Variants in TSPEAR observed in about 807,000 individuals in gnomAD.
The protein encoded by TSPEAR is thrombospondin-type laminin G domain and EAR repeat-containing protein.
TSPEAR carries 69 observed loss-of-function variants against 71.6 expected under a neutral mutation model. That is an observed-to-expected ratio of 0.96 (90% CI 0.79 to 1.18). TSPEAR has a LOEUF of 1.18. TSPEAR is among the 50% of genes most tolerant of loss of function. TSPEAR has a pLI of 0.00. For synonymous variants in TSPEAR, 402 were observed against 387.2 expected (o/e 1.04, Z -0.45); for missense variants, 971 against 894.9 (o/e 1.09, Z -1.09).
chr21:44,690,907 C>T (rs1987096893), intron 1 of TSPEAR, among the ~76,000 whole-genome samples: 1 of 152,314 alleles, frequency 6.6e-6, no homozygotes, highest in South Asian at 2.1e-4. Flanking sequence ...ACCACCATGC[C>T]AGGCTCTTTT....
intron 9 of TSPEAR, chr21:44,517,690 C>A: frequency 2.2e-6 from 1 of 451,690 alleles, no homozygotes; most frequent in Non-Finnish European, 4.6e-6. Flanking sequence ...CATGTGGGAG[C>A]CGTGCATGGC....
intron 1 of TSPEAR, chr21:44,580,558 G>A (rs1285941923): frequency 4.3e-5 from 69 of 1,612,636 alleles, no homozygotes; most frequent in African/African-American, 6.7e-5. Context: ...TGGAGCAGAC[G>A]GACATGGTGC....
At chr21:44,531,161 G>A (rs782518788) in intron 3 of TSPEAR, 28 bp from the exon 4 acceptor site, 6 of 1,585,460 alleles carry the variant, frequency 3.8e-6, no homozygotes, top group Non-Finnish European at 5.2e-6. Flanking sequence ...CTGTGTTAGG[G>A]CCATAGGAGA....
At chr21:44,561,228 T>A (rs2053628104) in intron 2 of TSPEAR, among the ~76,000 whole-genome samples, 1 of 151,810 alleles carries the variant, frequency 6.6e-6, no homozygotes, top group Non-Finnish European at 1.5e-5. Flanking sequence ...AACTAGAAAA[T>A]CTAGAAGAAA....
intron 1 of TSPEAR, chr21:44,697,480 T>C: frequency 6.2e-7 from 1 of 1,614,056 alleles, no homozygotes; most frequent in East Asian, 2.2e-5. Context: ...GCCAGCCGGC[T>C]TGCTGCACCT....
chr21:44,653,467 T>A (rs1814170434), intron 1 of TSPEAR, among the ~76,000 whole-genome samples: 1 of 152,190 alleles, frequency 6.6e-6, no homozygotes, highest in Admixed American at 6.5e-5. Context: ...GCTAGAAACC[T>A]CACTCTTCTA....
intron 1 of TSPEAR, among the ~76,000 whole-genome samples, chr21:44,640,896 T>C (rs1261840118): frequency 6.6e-6 from 1 of 152,082 alleles, no homozygotes; most frequent in Admixed American, 6.5e-5. Flanking sequence ...ATTCCATGCC[T>C]GCAACCAGCG....
chr21:44,573,078 A>G (rs369228969), intron 1 of TSPEAR, among the ~76,000 whole-genome samples: 2 of 152,106 alleles, frequency 1.3e-5, no homozygotes, highest in African/African-American at 4.8e-5. Flanking sequence ...ACCATGAGAC[A>G]CGGAATTTCT....
At position 44,525,756 on chromosome 21, in the gene TSPEAR, CA is replaced by C. The variant is rs1400923949; in HGVS notation, c.1232del (p.Leu411ArgfsTer158). The C allele has an allele frequency of 6.2e-7, 1 of 1,614,036 alleles. No homozygotes were observed. Among genetic ancestry groups the C allele is most frequent in the Non-Finnish European group, 8.5e-7 (1 of 1,180,046 alleles). ...SVIYKWSHRK[L>X]KFTPYQSIAT... is the part of the protein sequence containing the mutation. Reference sequence around the variant, plus strand: ...CAATGCTCTGATATGGGGTAAACTTCAGCTTTCTGTGGCTCCATTTGTAAAT... The same window carrying C: ...CAATGCTCTGATATGGGGTAAACTTCGCTTTCTGTGGCTCCATTTGTAAAT... On this transcript the variant is annotated frameshift_variant, in exon 8 of 12. Transcript: ENST00000323084. LOFTEE classifies it high-confidence loss of function.
At chr21:44,707,725 G>C (rs756568793) in intron 1 of TSPEAR, among the ~76,000 whole-genome samples, 1 of 152,156 alleles carries the variant, frequency 6.6e-6, no homozygotes, top group Non-Finnish European at 1.5e-5. Context: ...CCTTAACTCT[G>C]AGATTTGTTT....
chr21:44,533,272 C>T (rs1158334498), intron 3 of TSPEAR, among the ~76,000 whole-genome samples: 1 of 152,240 alleles, frequency 6.6e-6, no homozygotes, highest in Admixed American at 6.5e-5. Flanking sequence ...CGCCAATGTC[C>T]ACTCTGCCCA....
At chr21:44,567,735 C>T in intron 2 of TSPEAR, 50 bp downstream of exon 2, 1 of 1,487,972 alleles carries the variant, frequency 6.7e-7, no homozygotes, top group Non-Finnish European at 9.1e-7. Context: ...GGGAACCTCA[C>T]AAGGGAAAAT....
chr21:44,572,093 C>T (rs2053808841), intron 1 of TSPEAR, among the ~76,000 whole-genome samples: 1 of 152,270 alleles, frequency 6.6e-6, no homozygotes, highest in Admixed American at 6.5e-5. Flanking sequence ...CCCACGCACA[C>T]TGCTCCTGTG....
intron 1 of TSPEAR, among the ~76,000 whole-genome samples, chr21:44,652,437 G>A (rs68065001): frequency 6.6e-6 from 1 of 152,200 alleles, no homozygotes; most frequent in Admixed American, 6.5e-5. Context: ...CTCCTCCATG[G>A]TTACAGGTGA....
chr21:44,533,220 C>T (rs1200909081), intron 3 of TSPEAR, among the ~76,000 whole-genome samples: 2 of 152,328 alleles, frequency 1.3e-5, no homozygotes, highest in Non-Finnish European at 1.5e-5. Flanking sequence ...AGGCCCATTC[C>T]CCTTCCAGCC....
intron 1 of TSPEAR, chr21:44,702,516 T>C: frequency 1.9e-6 from 3 of 1,608,312 alleles, no homozygotes; most frequent in Non-Finnish European, 2.6e-6. Flanking sequence ...CCGTCTGCTG[T>C]GTGCCTGTCT....
chr21:44,672,468 G>T (rs1986104981), intron 1 of TSPEAR, among the ~76,000 whole-genome samples: 1 of 152,196 alleles, frequency 6.6e-6, no homozygotes, highest in Non-Finnish European at 1.5e-5. Context: ...TACTCGGGAG[G>T]CTGAGACAGG....
intron 1 of TSPEAR, among the ~76,000 whole-genome samples, chr21:44,663,591 G>A (rs905609072): frequency 1.3e-5 from 2 of 151,926 alleles, no homozygotes; most frequent in African/African-American, 2.4e-5. Flanking sequence ...AATCATTCCC[G>A]ATTAAATTCA....
At chr21:44,672,165 AAAG>A (rs1555946069) in intron 1 of TSPEAR, among the ~76,000 whole-genome samples, 1 of 152,240 alleles carries the variant, frequency 6.6e-6, no homozygotes, top group African/African-American at 2.4e-5. Context: ...AAAAAGAAAA[AAAG>A]AAGAATAAAC....
Sources: allele counts gnomAD v4.1 joint callset (sites outside exome capture counted in the v4.1 genomes callset), GRCh38; gene constraint gnomAD v4.1.1; transcripts MANE v1.5; gene names NCBI Gene and HGNC (gene_info 2026-07-23, HGNC 2026-07-21).